Variants in PTGDR2 observed in about 807,000 individuals in gnomAD.
PTGDR2 encodes the protein G-protein coupled receptor 44.
For missense variants in PTGDR2, 544 were observed against 576.6 expected (o/e 0.94, Z 0.58); for synonymous variants, 276 against 278.4 (o/e 0.99, Z 0.09).
In PTGDR2 at chr11:60,852,432, C is replaced by T. The variant is rs990181392; in HGVS notation, c.*103G>A. ...TAAAATGCAGGTGCCTGGGTCCCGCCCCTCGGACTTTGATCACTGCGGCAG... is the reference window on the plus strand; with the variant it reads ...TAAAATGCAGGTGCCTGGGTCCCGCTCCTCGGACTTTGATCACTGCGGCAG... On this transcript the variant is annotated 3_prime_UTR_variant, in exon 2 of 2. Coordinates refer to ENST00000332539, the MANE Select transcript of PTGDR2 (RefSeq NM_004778.3). 4.3e-5 allele frequency: 45 copies of T among 1,046,882 alleles called. No homozygotes were observed. The highest frequency in any genetic ancestry group is 5.0e-5 in the Non-Finnish European group (41 of 819,524). The allele number at this position is 1,046,882 out of a possible 1,614,324, so 64.8% of individuals were successfully genotyped here. A position where few individuals can be genotyped will look rare whatever the true frequency, so the allele number is the denominator to read the frequency against.
intron 1 of PTGDR2, 132 bp from the exon 2 acceptor site, chr11:60,853,863 G>A: frequency 1.4e-6 from 1 of 700,290 alleles, no homozygotes; most frequent in Middle Eastern, 4.1e-4. Flanking sequence ...GGTGGGGGTG[G>A]GGGGAATAAT....
chr11:60,853,711 G>A lies in PTGDR2; in HGVS notation c.12C>T (p.Asn4=), dbSNP rs145585912. The change falls in exon 2 of 2, where the codon AAC becomes AAT. Residue 4 remains asparagine, a synonymous_variant. Transcript: ENST00000332539. MSA[N]ATLKPLCPIL... ...TGGGGCAGAGTGGCTTCAGTGTGGC[G>A]TTGGCCGACATCGTGGGGCTCTGCA... 2.7e-4 allele frequency: 410 copies of A among 1,541,264 alleles called. No individual in the cohort carries two copies. Among genetic ancestry groups the A allele is most frequent in the Admixed American group, 6.9e-4 (35 of 51,094 alleles).
rs767136063 is a variant in PTGDR2 at position 60,852,887 on chromosome 11, C to T, written c.836G>A (p.Arg279Gln). 2.0e-6 allele frequency: 3 copies of T among 1,536,830 alleles called. No individual in the cohort carries two copies. The highest frequency in any genetic ancestry group is 2.4e-5 in the South Asian group (2 of 82,586). Residue 279 changes from arginine (R) to glutamine (Q), a missense_variant, in exon 2 of 2, where the codon CGG becomes CAG. Physicochemically the swap from Arg to Gln is conservative, Grantham distance 43 (BLOSUM62 1). Transcript: ENST00000332539. ...EARAHANPGLRPLVWRGLPFV... is the reference protein window; with the variant it reads ...EARAHANPGLQPLVWRGLPFV... ...GGGCAGCCCGCGCCACACGAGCGGC[C>T]GCAGCCCCGGGTTTGCGTGCGCCCG...
In PTGDR2 at chr11:60,852,229, G is replaced by A; in HGVS notation, c.*306C>T. 1 of 337,132 alleles carries A rather than the reference G, an allele frequency of 3.0e-6. No homozygotes were observed. Among genetic ancestry groups the A allele is most frequent in the Non-Finnish European group, 5.3e-6 (1 of 187,212 alleles). 20.9% of individuals were successfully genotyped at this position (337,132 alleles called of 1,614,324 possible). A position where few individuals can be genotyped will look rare whatever the true frequency, so the allele number is the denominator to read the frequency against. ...TCCAGGCCTCGCCTGTGAACCTGCC[G>A]CACTGGCTTCTCGGCCTGGGAGCTT... On this transcript the variant is annotated 3_prime_UTR_variant, in exon 2 of 2. Transcript: ENST00000332539.
At chr11:60,853,811 C>G (rs1180357861) in intron 1 of PTGDR2, 80 bp from the exon 2 acceptor site, 2 of 1,180,868 alleles carry the variant, frequency 1.7e-6, no homozygotes, top group Non-Finnish European at 2.3e-6. Context: ...GGAGTGGGAC[C>G]CTGCCCAGGA....
In PTGDR2 at chr11:60,853,120, C is replaced by T; in HGVS notation, c.603G>A (p.Ser201=). ...PGPDRDATCN[S]RQVALAVSKF... is the part of the protein sequence containing the mutation. Reference sequence around the variant, plus strand: ...TGCTGACGGCCAGGGCCACCTGCCGCGAGTTGCACGTGGCATCGCGGTCAG... The same window carrying T: ...TGCTGACGGCCAGGGCCACCTGCCGTGAGTTGCACGTGGCATCGCGGTCAG... Residue 201 remains serine, a synonymous_variant, in exon 2 of 2, where the codon TCG becomes TCA. Coordinates refer to ENST00000332539, the MANE Select transcript of PTGDR2 (RefSeq NM_004778.3). 6.2e-7 allele frequency: 1 copy of T among 1,605,756 alleles called. No homozygotes were observed. The highest frequency in any genetic ancestry group is 8.5e-7 in the Non-Finnish European group (1 of 1,179,422).
intron 1 of PTGDR2, among the ~76,000 whole-genome samples, chr11:60,854,426 G>A (rs1207901679): frequency 6.6e-6 from 1 of 152,322 alleles, no homozygotes; most frequent in East Asian, 1.9e-4. Context: ...AGGCCCAGTG[G>A]GGCCAAAAGA....
Position 60,852,420 on chromosome 11 carries a change from C to T in PTGDR2, c.*115G>A. ...CCCGGGGCGCTTTAAAATGCAGGTG[C>T]CTGGGTCCCGCCCCTCGGACTTTGA... On this transcript the variant is annotated 3_prime_UTR_variant, in exon 2 of 2. Transcript: ENST00000332539. 1.1e-6 allele frequency: 1 copy of T among 939,278 alleles called. No individual in the cohort carries two copies. The highest frequency in any genetic ancestry group is 1.4e-6 in the Non-Finnish European group (1 of 721,228). The allele number at this position is 939,278 out of a possible 1,614,324, so 58.2% of individuals were successfully genotyped here.
rs1266288151 is a variant in PTGDR2, at chr11:60,851,742, GGAAGCACTTT to G, written c.*783_*792del. 6.6e-6 allele frequency: 1 copy of G among 152,210 alleles called. No homozygotes were observed. Among genetic ancestry groups the G allele is most frequent in the Non-Finnish European group, 1.5e-5 (1 of 68,056 alleles). 9.4% of individuals were successfully genotyped at this position (152,210 alleles called of 1,614,324 possible). A position where few individuals can be genotyped will look rare whatever the true frequency, so the allele number is the denominator to read the frequency against. Reference sequence around the variant, plus strand: ...CGCCATCCCCTGCTGCTTCTGCCTTGGAAGCACTTTGGGCAGTGCTGGGTCACAAGGTAGC... The same window carrying G: ...CGCCATCCCCTGCTGCTTCTGCCTTGGGGCAGTGCTGGGTCACAAGGTAGC... On this transcript the variant is annotated 3_prime_UTR_variant, in exon 2 of 2. Coordinates refer to ENST00000332539, the MANE Select transcript of PTGDR2 (RefSeq NM_004778.3).
At position 60,853,366 on chromosome 11, in the gene PTGDR2, G is replaced by A. The variant is rs141330768; in HGVS notation, c.357C>T (p.Gly119=). The stretch of plus-strand genomic sequence containing the variant: ...CCAGGCTGATGGCGCTGAGCAGGAA[G>A]CCGCTGGCGAACATGTTGAGAAAGA... The part of the protein sequence containing the change: ...SIFFLNMFAS[G]FLLSAISLDR... Residue 119 remains glycine, a synonymous_variant, in exon 2 of 2, where the codon GGC becomes GGT. Coordinates refer to ENST00000332539, the MANE Select transcript of PTGDR2 (RefSeq NM_004778.3). The A allele has an allele frequency of 6.2e-7, 1 of 1,603,260 alleles. No individual in the cohort carries two copies. Among genetic ancestry groups the A allele is most frequent in the Non-Finnish European group, 8.5e-7 (1 of 1,175,300 alleles).
rs902359646 is a variant in PTGDR2, at chr11:60,852,397, C to T, written c.*138G>A. The T allele has an allele frequency of 6.3e-6, 4 of 639,330 alleles. No homozygotes were observed. The highest frequency in any genetic ancestry group is 4.4e-5 in the Admixed American group (1 of 22,914). 39.6% of individuals were successfully genotyped at this position (639,330 alleles called of 1,614,324 possible). Reference sequence around the variant, plus strand: ...TTTCTGAAAAAGATTCAGAGTCTCCCGGGGCGCTTTAAAATGCAGGTGCCT... The same window carrying T: ...TTTCTGAAAAAGATTCAGAGTCTCCTGGGGCGCTTTAAAATGCAGGTGCCT... On this transcript the variant is annotated 3_prime_UTR_variant, in exon 2 of 2. Coordinates refer to ENST00000332539, the MANE Select transcript of PTGDR2 (RefSeq NM_004778.3).
At position 60,853,223 on chromosome 11, in the gene PTGDR2, A is replaced by C; in HGVS notation, c.500T>G (p.Phe167Cys). The C allele has an allele frequency of 6.2e-7, 1 of 1,613,112 alleles. No individual in the cohort carries two copies. Among genetic ancestry groups the C allele is most frequent in the Non-Finnish European group, 8.5e-7 (1 of 1,179,864 alleles). The change falls in exon 2 of 2, where the codon TTC (phenylalanine) becomes TGC (cysteine). Residue 167 changes from phenylalanine (F) to cysteine (C), a missense_variant. Phe to Cys is a radical substitution (Grantham distance 205). Transcript: ENST00000332539. ...ALAVLNTVPYFVFRDTISRLD... is the reference protein window; with the variant it reads ...ALAVLNTVPYCVFRDTISRLD... ...CCGCGAGATGGTGTCCCGGAACACGAAATAGGGCACCGTGTTGAGCACCGC... is the reference window on the plus strand; with the variant it reads ...CCGCGAGATGGTGTCCCGGAACACGCAATAGGGCACCGTGTTGAGCACCGC...
Position 60,853,740 on chromosome 11 carries a change from G to C in PTGDR2, c.-9-9C>G. 1 of 1,516,356 alleles carries C rather than the reference G, an allele frequency of 6.6e-7. No individual in the cohort carries two copies. The highest frequency in any genetic ancestry group is 8.8e-7 in the Non-Finnish European group (1 of 1,131,078). 93.9% of individuals were successfully genotyped at this position (1,516,356 alleles called of 1,614,324 possible). ...GCCGACATCGTGGGGCTCTGCAGTG[G>C]AGGGAAGGAGGCGCCTAAGTTGGAA... On this transcript the variant is annotated splice_polypyrimidine_tract_variant and intron_variant, in intron 1 of 1. Transcript: ENST00000332539.
rs1855315295 is a variant in PTGDR2 at position 60,853,596 on chromosome 11, A to AGGCCAGCCCGTGCAGCAGCAC, written c.106_126dup (p.Val36_Ala42dup). On this transcript the variant is annotated inframe_insertion, in exon 2 of 2. Coordinates refer to ENST00000332539, the MANE Select transcript of PTGDR2 (RefSeq NM_004778.3). ...CCATTCTCCACCAGGCCCAGCAGCG[A>AGGCCAGCCCGTGCAGCAGCAC]GGCCAGCCCGTGCAGCAGCACGGCC... 6.4e-7 allele frequency: 1 copy of AGGCCAGCCCGTGCAGCAGCAC among 1,556,084 alleles called. No individual in the cohort carries two copies. The highest frequency in any genetic ancestry group is 8.7e-7 in the Non-Finnish European group (1 of 1,149,494).
In PTGDR2 at chr11:60,851,818, A is replaced by C. The variant is rs1855271883; in HGVS notation, c.*717T>G. The C allele has an allele frequency of 6.6e-6, 1 of 152,240 alleles. No individual in the cohort carries two copies. The highest frequency in any genetic ancestry group is 2.1e-4 in the South Asian group (1 of 4,824). The allele number at this position is 152,240 out of a possible 1,614,324, so 9.4% of individuals were successfully genotyped here. A position where few individuals can be genotyped will look rare whatever the true frequency, so the allele number is the denominator to read the frequency against. ...AGTAGGTCAGAGAATGTCCTCGCTC[A>C]CCAGAGAGTCATTGAGCATGTGATG... On this transcript the variant is annotated 3_prime_UTR_variant, in exon 2 of 2. Coordinates refer to ENST00000332539, the MANE Select transcript of PTGDR2 (RefSeq NM_004778.3).
Position 60,853,420 on chromosome 11 carries a change from G to A in PTGDR2, c.303C>T (p.Thr101=). Residue 101 remains threonine (T), a synonymous_variant, in exon 2 of 2, where the codon ACC becomes ACT. Transcript: ENST00000332539. ...LAVGHSWELG[T]TFCKLHSSIF... ...TGGAGGAGTGCAGTTTGCAGAAGGT[G>A]GTGCCCAGCTCCCACGAGTGGCCCA... 1 of 1,578,832 alleles carries A rather than the reference G, an allele frequency of 6.3e-7. No homozygotes were observed.
rs1565098277 is a variant in PTGDR2 at position 60,853,232 on chromosome 11, A to G, written c.491T>C (p.Val164Ala). ...GGTGTCCCGGAACACGAAATAGGGC[A>G]CCGTGTTGAGCACCGCTAGTGCCCA... Reference protein sequence around the residue: ...VLWALAVLNTVPYFVFRDTIS... With the variant: ...VLWALAVLNTAPYFVFRDTIS... Residue 164 changes from valine (V) to alanine (A), a missense_variant, in exon 2 of 2, where the codon GTG becomes GCG. Transcript: ENST00000332539. 1.9e-6 allele frequency: 3 copies of G among 1,613,246 alleles called. No homozygotes were observed. The highest frequency in any genetic ancestry group is 2.7e-5 in the African/African-American group (2 of 75,046).
Position 60,853,172 on chromosome 11 carries a change from T to A in PTGDR2, c.551A>T (p.Tyr184Phe), listed in dbSNP as rs764479126. The A allele has an allele frequency of 2.0e-4, 317 of 1,609,746 alleles. 3 individuals carry two copies. The South Asian group carries it at 2.9e-3, about 15-fold the overall frequency. Residue 184 changes from tyrosine (Y) to phenylalanine (F), a missense_variant, in exon 2 of 2, where the codon TAC (tyrosine) becomes TTC (phenylalanine). Coordinates refer to ENST00000332539, the MANE Select transcript of PTGDR2 (RefSeq NM_004778.3). ...SRLDGRIMCY[Y>F]NVLLLNPGPD... ...CCCCGGGTTCAGGAGCAGCACATTG[T>A]AGTAGCACATAATGCGCCCGTCCAG...
rs966032658 is a variant in PTGDR2 at position 60,852,872 on chromosome 11, C to T, written c.851G>A (p.Arg284His). 1.3e-5 allele frequency: 20 copies of T among 1,542,966 alleles called. No homozygotes were observed. The highest frequency in any genetic ancestry group is 2.6e-6 in the Non-Finnish European group (3 of 1,144,130). Residue 284 changes from arginine (R) to histidine (H), a missense_variant, in exon 2 of 2, where the codon CGC (arginine) becomes CAC (histidine). Physicochemically the swap from Arg to His is conservative, Grantham distance 29. Transcript: ENST00000332539. ...ANPGLRPLVW[R>H]GLPFVTSLAF... ...CAGGCTGGTGACGAAGGGCAGCCCG[C>T]GCCACACGAGCGGCCGCAGCCCCGG...
Sources: gnomAD v4.1 joint callset for allele counts (sites outside exome capture counted in the v4.1 genomes callset) on GRCh38, gnomAD v4.1.1 for gene constraint, MANE v1.5 for transcripts, NCBI Gene and HGNC (gene_info 2026-07-23, HGNC 2026-07-21) for gene names.